The following RNF150 variants were observed in gnomAD, a reference collection of about 807,000 sequenced individuals.
RNF150 encodes ring finger protein 150.
In RNF150, 24 loss-of-function variants were observed where a neutral mutation model predicts 39.3. That is an observed-to-expected ratio of 0.61 (90% confidence interval 0.44 to 0.86). The LOEUF (loss-of-function observed/expected upper bound fraction) is 0.86, where lower values mean the gene tolerates loss of function less well. RNF150 is among the 40% of genes least tolerant of loss of function. RNF150 has a pLI of 0.00. For synonymous variants in RNF150, 255 were observed against 227.3 expected (o/e 1.12, Z -1.10); for missense variants, 502 against 587.8 (o/e 0.85, Z 1.51).
chr4:141,194,565 C>T (rs1728167054), intron 1 of RNF150, among the ~76,000 whole-genome samples: 1 of 152,002 alleles, frequency 6.6e-6, no homozygotes, highest in Admixed American at 6.5e-5. Context: ...TACATGCTAG[C>T]ATACTGCCTA....
intron 1 of RNF150, among the ~76,000 whole-genome samples, chr4:141,210,370 A>G (rs1728442460): frequency 6.6e-6 from 1 of 152,090 alleles, no homozygotes; most frequent in African/African-American, 2.4e-5. Context: ...AGCTCCTTGA[A>G]GTGGTTGCTG....
At chr4:141,000,761 CAT>C (rs1734634010) in intron 1 of RNF150, among the ~76,000 whole-genome samples, 2 of 152,124 alleles carry the variant, frequency 1.3e-5, no homozygotes, top group Admixed American at 1.3e-4. Context: ...CCTAAAATGT[CAT>C]ATTTCAATGT....
intron 1 of RNF150, among the ~76,000 whole-genome samples, chr4:140,984,133 T>C (rs1398724073): frequency 6.6e-6 from 1 of 152,144 alleles, no homozygotes; most frequent in Admixed American, 6.6e-5. Flanking sequence ...TTTTAAATTT[T>C]GAATCATTTT....
At chr4:140,897,312 G>C (rs369863037) in intron 6 of RNF150, among the ~76,000 whole-genome samples, 1 of 152,090 alleles carries the variant, frequency 6.6e-6, no homozygotes, top group Non-Finnish European at 1.5e-5. Context: ...TGTTTTCCTC[G>C]GGCAGGCACT....
At chr4:140,919,478 AG>A (rs1308132616) in intron 5 of RNF150, among the ~76,000 whole-genome samples, 18 of 148,582 alleles carry the variant, frequency 1.2e-4, no homozygotes, top group African/African-American at 4.2e-4. Context: ...CCAACTTACA[AG>A]GGACGTGAAG....
intron 1 of RNF150, among the ~76,000 whole-genome samples, chr4:141,046,588 C>A (rs1013374467): frequency 2.0e-5 from 3 of 152,180 alleles, no homozygotes; most frequent in African/African-American, 7.2e-5. Flanking sequence ...CCTTTTCAAA[C>A]TGCTGATTAC....
intron 1 of RNF150, among the ~76,000 whole-genome samples, chr4:140,981,749 T>C (rs548895262): frequency 1.3e-5 from 2 of 152,276 alleles, no homozygotes; most frequent in South Asian, 4.1e-4. Context: ...TAGTGCATTG[T>C]ATTTGATTTT....
chr4:141,045,752 C>T (rs917455497), intron 1 of RNF150, among the ~76,000 whole-genome samples: 1 of 152,038 alleles, frequency 6.6e-6, no homozygotes, highest in African/African-American at 2.4e-5. Flanking sequence ...CCATGTTGGC[C>T]AGGCTGGTCT....
At chr4:141,087,851 A>G (rs1381404279) in intron 1 of RNF150, among the ~76,000 whole-genome samples, 4 of 152,072 alleles carry the variant, frequency 2.6e-5, no homozygotes, top group Admixed American at 2.6e-4. Flanking sequence ...TATTAACAGG[A>G]AAAAGTACGT....
intron 1 of RNF150, among the ~76,000 whole-genome samples, chr4:141,189,201 C>G (rs1253750331): frequency 6.6e-6 from 1 of 152,154 alleles, no homozygotes; most frequent in Non-Finnish European, 1.5e-5. Flanking sequence ...CACTCCACAC[C>G]CTGTTTGCCT....
At chr4:140,885,199 G>A (rs56135301) in intron 6 of RNF150, among the ~76,000 whole-genome samples, 19,395 of 138,854 alleles carry the variant, frequency 0.14, 1,619 homozygotes, top group East Asian at 0.39. Flanking sequence ...TCCAACATCA[G>A]TCTTTTTTTT....
At chr4:140,952,628 C>G (rs189537082) in intron 2 of RNF150, among the ~76,000 whole-genome samples, 10 of 152,226 alleles carry the variant, frequency 6.6e-5, no homozygotes, top group African/African-American at 2.2e-4. Flanking sequence ...GTAAAGCAAA[C>G]TGACGTTAAG....
intron 2 of RNF150, among the ~76,000 whole-genome samples, chr4:140,958,593 A>C (rs1364279779): frequency 6.6e-6 from 1 of 152,190 alleles, no homozygotes. Flanking sequence ...TTCTAGGATC[A>C]GGCAATCAGC....
chr4:141,197,674 C>G (rs558168816), intron 1 of RNF150, among the ~76,000 whole-genome samples: 1 of 151,962 alleles, frequency 6.6e-6, no homozygotes, highest in Non-Finnish European at 1.5e-5. Context: ...GTCAGGAGAT[C>G]GAGACCATCC....
chr4:141,083,466 G>A (rs1283555660), intron 1 of RNF150, among the ~76,000 whole-genome samples: 1 of 152,104 alleles, frequency 6.6e-6, no homozygotes, highest in Non-Finnish European at 1.5e-5. Context: ...TTACATGTTG[G>A]TGGTGTTGGT....
At chr4:140,973,583 G>A (rs531039563) in intron 1 of RNF150, among the ~76,000 whole-genome samples, 202 of 151,898 alleles carry the variant, frequency 1.3e-3, no homozygotes, top group African/African-American at 4.7e-3. Flanking sequence ...CTAATAACAA[G>A]TGGTATAAAC....
At chr4:141,062,581 T>C (rs1737279704) in intron 1 of RNF150, among the ~76,000 whole-genome samples, 1 of 152,072 alleles carries the variant, frequency 6.6e-6, no homozygotes, top group South Asian at 2.1e-4. Flanking sequence ...AATATGAAAA[T>C]ATCCTTATCA....
At chr4:140,909,780 C>G (rs576505239) in intron 6 of RNF150, among the ~76,000 whole-genome samples, 1 of 152,232 alleles carries the variant, frequency 6.6e-6, no homozygotes, top group South Asian at 2.1e-4. Flanking sequence ...TAATGGTCAA[C>G]ATTTCAATAC....
At chr4:140,942,093 T>C (rs1732107435) in intron 4 of RNF150, among the ~76,000 whole-genome samples, 1 of 152,150 alleles carries the variant, frequency 6.6e-6, no homozygotes, top group Non-Finnish European at 1.5e-5. Context: ...GCAAGGCAAA[T>C]GTACTTAATG....
Sources: allele counts gnomAD v4.1 joint callset (sites outside exome capture counted in the v4.1 genomes callset), GRCh38; gene constraint gnomAD v4.1.1; transcripts MANE v1.5; gene names NCBI Gene and HGNC (gene_info 2026-07-23, HGNC 2026-07-21).